The following CDH12 variants were observed in gnomAD, a reference collection of about 807,000 sequenced individuals.
CDH12 encodes the protein cadherin 12.
A neutral mutation model predicts 74.1 loss-of-function variants in CDH12; 41 were observed. The ratio of observed to expected loss-of-function variants is 0.55; its 90% CI spans 0.43 to 0.72. The LOEUF is 0.72. Ranked by LOEUF, CDH12 falls within the 30% of genes least tolerant of loss-of-function variation. The pLI is 0.00. For synonymous variants in CDH12, 399 were observed against 355.0 expected (o/e 1.12, Z -1.39); for missense variants, 945 against 977.2 (o/e 0.97, Z 0.44).
chr5:22,050,196 C>T, intron 5 of CDH12, among the ~76,000 whole-genome samples: 1 of 151,834 alleles, frequency 6.6e-6, no homozygotes, highest in Non-Finnish European at 1.5e-5. Context: ...TTCTTTCCTC[C>T]ACAAGTTGAT....
intron 1 of CDH12, among the ~76,000 whole-genome samples, chr5:22,714,740 G>A (rs1222650241): frequency 6.6e-6 from 1 of 152,192 alleles, no homozygotes; most frequent in East Asian, 1.9e-4. Context: ...ACGTTCTGCA[G>A]TAATCATATT....
At chr5:22,597,066 A>C (rs1245268538) in intron 1 of CDH12, among the ~76,000 whole-genome samples, 2 of 152,180 alleles carry the variant, frequency 1.3e-5, no homozygotes, top group African/African-American at 4.8e-5. Flanking sequence ...ATAAATTTAA[A>C]CAAAAGAAAA....
At chr5:21,816,892 A>T in intron 9 of CDH12, 53 bp downstream of exon 9, 1 of 1,137,512 alleles carries the variant, frequency 8.8e-7, no homozygotes. Flanking sequence ...TTTATTTTTT[A>T]TCTTCTTTAA....
At chr5:22,037,685 C>T (rs1326354017) in intron 5 of CDH12, among the ~76,000 whole-genome samples, 1 of 152,178 alleles carries the variant, frequency 6.6e-6, no homozygotes, top group Non-Finnish European at 1.5e-5. Context: ...AGAAAGTAGC[C>T]TTGCTAGAGA....
chr5:22,043,087 T>C (rs945137011), intron 5 of CDH12, among the ~76,000 whole-genome samples: 1 of 152,032 alleles, frequency 6.6e-6, no homozygotes, highest in Non-Finnish European at 1.5e-5. Context: ...TCTTCCAAAG[T>C]CATTCTATGA....
chr5:21,863,207 C>T (rs898002699), intron 6 of CDH12, among the ~76,000 whole-genome samples: 1 of 152,042 alleles, frequency 6.6e-6, no homozygotes, highest in Admixed American at 6.6e-5. Flanking sequence ...TGTGACTACT[C>T]ACACTTATTT....
At chr5:21,780,583 G>A (rs983971586) in intron 11 of CDH12, among the ~76,000 whole-genome samples, 2 of 152,170 alleles carry the variant, frequency 1.3e-5, no homozygotes, top group African/African-American at 4.8e-5. Flanking sequence ...GAATAGGAAG[G>A]TTTAGGTTAG....
chr5:21,951,369 C>T lies in CDH12; in HGVS notation c.526+23722G>A, dbSNP rs569107131. ...TCCCAAGTAACTGGGATTACAGGCA[C>T]GTGCCACCACATACGGCTAATTTTT... On this transcript the variant is annotated intron_variant, in intron 6 of 14. Coordinates refer to ENST00000382254, the MANE Select transcript of CDH12 (RefSeq NM_004061.5). Among the ~76,000 whole-genome samples, 18 of 152,228 alleles carry T rather than the reference C, an allele frequency of 1.2e-4. No individual in the cohort carries two copies. The East Asian group carries it at 2.9e-3, about 25-fold the overall frequency.
chr5:21,808,968 A>G, intron 9 of CDH12, among the ~76,000 whole-genome samples: 1 of 152,246 alleles, frequency 6.6e-6, no homozygotes, highest in Non-Finnish European at 1.5e-5. Flanking sequence ...GAAAATTAAT[A>G]ATATATAAGC....
At chr5:22,282,170 T>A (rs1364194287) in intron 3 of CDH12, among the ~76,000 whole-genome samples, 1 of 152,134 alleles carries the variant, frequency 6.6e-6, no homozygotes, top group African/African-American at 2.4e-5. Context: ...TAAATGGTGT[T>A]GGGAAAACTG....
At chr5:22,354,712 G>A (rs1486079848) in intron 3 of CDH12, among the ~76,000 whole-genome samples, 2 of 152,108 alleles carry the variant, frequency 1.3e-5, no homozygotes, top group Non-Finnish European at 2.9e-5. Flanking sequence ...AATTTCATTG[G>A]GGAAAAATAT....
intron 5 of CDH12, among the ~76,000 whole-genome samples, chr5:22,051,185 C>T (rs1486314095): frequency 6.6e-6 from 1 of 152,084 alleles, no homozygotes; most frequent in African/African-American, 2.4e-5. Flanking sequence ...GATGGACCCA[C>T]CGGGAGATGG....
chr5:22,834,331 G>A (rs937678181), intron 1 of CDH12, among the ~76,000 whole-genome samples: 1 of 151,970 alleles, frequency 6.6e-6, no homozygotes, highest in African/African-American at 2.4e-5. Flanking sequence ...AGAGGAGACT[G>A]GAAAGAATGA....
chr5:22,362,478 T>A (rs957061261), intron 3 of CDH12, among the ~76,000 whole-genome samples: 2 of 152,170 alleles, frequency 1.3e-5, no homozygotes, highest in African/African-American at 2.4e-5. Flanking sequence ...TTTACACTGT[T>A]GGTGGGACTG....
chr5:22,067,139 T>G (rs1188242043), intron 5 of CDH12, among the ~76,000 whole-genome samples: 1 of 152,190 alleles, frequency 6.6e-6, no homozygotes, highest in African/African-American at 2.4e-5. Flanking sequence ...TTACCTTTTC[T>G]TTTACAAGAC....
chr5:22,633,795 T>A (rs559490297), intron 1 of CDH12, among the ~76,000 whole-genome samples: 1 of 152,206 alleles, frequency 6.6e-6, no homozygotes, highest in Non-Finnish European at 1.5e-5. Context: ...AGGCAGATTC[T>A]GGGACTTCTC....
At chr5:22,031,184 A>T (rs2150173086) in intron 5 of CDH12, among the ~76,000 whole-genome samples, 1 of 152,156 alleles carries the variant, frequency 6.6e-6, no homozygotes, top group Middle Eastern at 3.4e-3. Flanking sequence ...AATAGAAAAA[A>T]TTAGCCAGGC....
At chr5:22,576,770 TGA>T (rs144280779) in intron 1 of CDH12, among the ~76,000 whole-genome samples, 5 of 150,738 alleles carry the variant, frequency 3.3e-5, no homozygotes, top group Non-Finnish European at 3.0e-5. Context: ...AATTGATAAC[TGA>T]GAGAGAGAGA....
At chr5:22,676,727 G>C (rs1260053972) in intron 1 of CDH12, among the ~76,000 whole-genome samples, 1 of 152,152 alleles carries the variant, frequency 6.6e-6, no homozygotes, top group African/African-American at 2.4e-5. Flanking sequence ...TCACAGTGTG[G>C]TAAGTTCTAC....
Sources: gnomAD v4.1 joint callset for allele counts (sites outside exome capture counted in the v4.1 genomes callset) on GRCh38, gnomAD v4.1.1 for gene constraint, MANE v1.5 for transcripts, NCBI Gene and HGNC (gene_info 2026-07-23, HGNC 2026-07-21) for gene names.